The following ZFYVE16 variants were observed in gnomAD, a reference collection of about 807,000 sequenced individuals.
ZFYVE16 encodes zinc finger FYVE domain-containing protein 16.
In ZFYVE16, 89 loss-of-function variants were observed where a neutral mutation model predicts 138.1. The observed-to-expected ratio is 0.64, with a 90% CI of 0.54 to 0.77. The LOEUF (loss-of-function observed/expected upper bound fraction) is 0.77. Among genes scored for constraint, ZFYVE16 ranks in the 30% least tolerant of loss-of-function variants. The probability of loss-of-function intolerance (pLI) is 0.00; values close to 1 mark genes in which losing one functional copy is unlikely to be tolerated. For synonymous variants in ZFYVE16, 596 were observed against 618.3 expected (o/e 0.96, Z 0.53); for missense variants, 1,793 against 1,786.7 (o/e 1.00, Z -0.06).
chr5:80,425,471 A>G (rs892818089), intron 1 of ZFYVE16, among the ~76,000 whole-genome samples: 5 of 152,178 alleles, frequency 3.3e-5, no homozygotes, highest in African/African-American at 4.8e-5. Context: ...TAGGTAGCCA[A>G]ACAGATGTGT....
intron 3 of ZFYVE16, 138 bp from the exon 4 acceptor site, chr5:80,436,618 G>T (rs1011398884): frequency 2.5e-5 from 17 of 671,292 alleles, no homozygotes; most frequent in Non-Finnish European, 7.1e-6. Context: ...AGTTTTGGAG[G>T]TGATTTGTGT....
chr5:80,448,692 G>A (rs1751659154), intron 8 of ZFYVE16, among the ~76,000 whole-genome samples: 1 of 152,048 alleles, frequency 6.6e-6, no homozygotes, highest in Non-Finnish European at 1.5e-5. Context: ...TTAGAATTTT[G>A]ACACTGTATT....
intron 1 of ZFYVE16, among the ~76,000 whole-genome samples, chr5:80,410,900 A>G (rs1745341092): frequency 6.6e-6 from 1 of 151,966 alleles, no homozygotes; most frequent in Admixed American, 6.6e-5. Context: ...TTTTAAAGGA[A>G]AACAACAAAA....
intron 2 of ZFYVE16, among the ~76,000 whole-genome samples, chr5:80,429,579 A>G (rs975061044): frequency 1.3e-5 from 2 of 152,220 alleles, no homozygotes; most frequent in Admixed American, 6.5e-5. Context: ...TCATAATGAC[A>G]GGATCAAATT....
intron 3 of ZFYVE16, among the ~76,000 whole-genome samples, chr5:80,435,079 G>A (rs1181051929): frequency 6.6e-6 from 1 of 152,084 alleles, no homozygotes; most frequent in African/African-American, 2.4e-5. Context: ...CTCTTGTCCA[G>A]GCTGGAGTGC....
intron 1 of ZFYVE16, among the ~76,000 whole-genome samples, chr5:80,414,147 T>A (rs1471159606): frequency 6.6e-6 from 1 of 152,218 alleles, no homozygotes; most frequent in Non-Finnish European, 1.5e-5. Flanking sequence ...TATTTCTTTA[T>A]AAATAAATGT....
intron 5 of ZFYVE16, chr5:80,440,998 A>G: frequency 1.0e-6 from 1 of 985,406 alleles, no homozygotes; most frequent in Non-Finnish European, 1.2e-6. Context: ...GCTCTGGAAG[A>G]TAACAAAGCG....
intron 9 of ZFYVE16, among the ~76,000 whole-genome samples, chr5:80,449,988 G>T (rs1751813144): frequency 6.6e-6 from 1 of 152,100 alleles, no homozygotes; most frequent in Non-Finnish European, 1.5e-5. Flanking sequence ...TGATACAATT[G>T]ACTATATTTC....
Position 80,474,720 on chromosome 5 carries a change from G to A in ZFYVE16, c.4351G>A (p.Ala1451Thr). The A allele has an allele frequency of 6.2e-7, 1 of 1,613,830 alleles. No homozygotes were observed. Among genetic ancestry groups the A allele is most frequent in the Admixed American group, 1.7e-5 (1 of 59,994 alleles). Residue 1451 changes from alanine (A) to threonine (T), a missense_variant, in exon 18 of 19, where the codon GCA becomes ACA. Physicochemically the swap from Ala to Thr is moderately conservative, Grantham distance 58. Coordinates refer to ENST00000505560, the MANE Select transcript of ZFYVE16 (RefSeq NM_001284236.3). ...LSILSTSYQF[A>T]KEIAMACSAA... Reference sequence around the variant, plus strand: ...TATTTTATCAACTTCTTATCAGTTTGCAAAAGAAATAGCCATGGCTTGTAG... The same window carrying A: ...TATTTTATCAACTTCTTATCAGTTTACAAAAGAAATAGCCATGGCTTGTAG...
chr5:80,421,447 T>C (rs1467836260), intron 1 of ZFYVE16, among the ~76,000 whole-genome samples: 1 of 152,246 alleles, frequency 6.6e-6, no homozygotes, highest in Non-Finnish European at 1.5e-5. Context: ...TTTAAGTCTT[T>C]AGTCCATCTT....
intron 15 of ZFYVE16, among the ~76,000 whole-genome samples, chr5:80,468,231 AGT>A (rs997298455): frequency 7.2e-5 from 11 of 152,328 alleles, no homozygotes; most frequent in African/African-American, 2.6e-4. Context: ...TTCCATTTTC[AGT>A]GTTCCTATTC....
intron 18 of ZFYVE16, 47 bp downstream of exon 18, chr5:80,474,877 A>T: frequency 6.4e-7 from 1 of 1,553,944 alleles, no homozygotes; most frequent in Non-Finnish European, 8.7e-7. Flanking sequence ...TGTATTGCAT[A>T]TTAACAAGTT....
chr5:80,459,393 A>G, intron 14 of ZFYVE16, 21 bp from the exon 15 acceptor site: 1 of 1,604,838 alleles, frequency 6.2e-7, no homozygotes, highest in Non-Finnish European at 8.5e-7. Flanking sequence ...AAAACAAATA[A>G]TTGTTGTATT....
intron 12 of ZFYVE16, 162 bp downstream of exon 12, chr5:80,455,936 T>A: frequency 1.6e-6 from 1 of 631,652 alleles, no homozygotes; most frequent in Non-Finnish European, 2.6e-6. Context: ...TAGTGCTCAG[T>A]TTTTGACGAA....
chr5:80,410,149 A>T (rs1396395471), intron 1 of ZFYVE16: 1 of 152,176 alleles, frequency 6.6e-6, no homozygotes, highest in Non-Finnish European at 1.5e-5. Context: ...TAAAAACCAG[A>T]CAACTGCCAG....
chr5:80,412,110 A>G (rs139562903), intron 1 of ZFYVE16, among the ~76,000 whole-genome samples: 12 of 152,028 alleles, frequency 7.9e-5, no homozygotes, highest in Non-Finnish European at 1.2e-4. Context: ...AGCCACCTTT[A>G]TATGTATTTC....
rs1015215183 is a variant in ZFYVE16 at position 80,430,322 on chromosome 5, C to A, written c.-40+2777C>A. On this transcript the variant is annotated intron_variant, in intron 2 of 18. Transcript: ENST00000505560. ...GCTCAACTACATGGAAACTGAACAA[C>A]CTGCTCCTGAATGACTACTGGGTAC... 6.1e-3 allele frequency among the ~76,000 whole-genome samples: 931 copies of A among 151,788 alleles called. 10 individuals carry two copies. The highest frequency in any genetic ancestry group is 0.021 in the African/African-American group (859 of 41,428).
chr5:80,464,002 T>G (rs1753417987), intron 15 of ZFYVE16, among the ~76,000 whole-genome samples: 1 of 152,190 alleles, frequency 6.6e-6, no homozygotes, highest in Non-Finnish European at 1.5e-5. Flanking sequence ...TATCAGCATT[T>G]TGGTCAAAGC....
intron 2 of ZFYVE16, among the ~76,000 whole-genome samples, chr5:80,429,325 T>C (rs375032006): frequency 4.6e-5 from 7 of 152,168 alleles, no homozygotes; most frequent in Admixed American, 2.6e-4. Flanking sequence ...AATTTTCAAC[T>C]CAGAATTTCA....
Sources: gnomAD v4.1 joint callset for allele counts (sites outside exome capture counted in the v4.1 genomes callset) on GRCh38, gnomAD v4.1.1 for gene constraint, MANE v1.5 for transcripts, NCBI Gene and HGNC (gene_info 2026-07-23, HGNC 2026-07-21) for gene names.